LYPLAL1: variants seen among roughly 807,000 people sequenced by gnomAD.
The protein encoded by LYPLAL1 is lysophospholipase like 1.
Under a neutral mutation model 19.7 loss-of-function variants are expected in LYPLAL1, and 23 were observed. The ratio of observed to expected loss-of-function variants is 1.17; its 90% CI spans 0.84 to 1.65. LYPLAL1 has a LOEUF of 1.65. LYPLAL1 is among the 40% of genes most tolerant of loss of function. LYPLAL1 has a pLI of 0.00. For synonymous variants in LYPLAL1, 119 were observed against 96.3 expected (o/e 1.24, Z -1.38); for missense variants, 355 against 279.4 (o/e 1.27, Z -1.93).
At chr1:219,197,989 A>G (rs960082561) in intron 3 of LYPLAL1, among the ~76,000 whole-genome samples, 3 of 152,174 alleles carry the variant, frequency 2.0e-5, no homozygotes, top group Admixed American at 1.3e-4. Flanking sequence ...GGAGAAAAAT[A>G]TAACACAAGA....
chr1:219,376,756 A>G, the LYPLAL1 span, among the ~76,000 whole-genome samples: 1 of 152,238 alleles, frequency 6.6e-6, no homozygotes, highest in Non-Finnish European at 1.5e-5. Context: ...TCAAAACCAC[A>G]ATGAGATATC....
At chr1:219,192,447 C>G (rs756741450) in intron 2 of LYPLAL1, among the ~76,000 whole-genome samples, 8 of 151,536 alleles carry the variant, frequency 5.3e-5, no homozygotes, top group Non-Finnish European at 1.0e-4. Flanking sequence ...TTGTCACTGG[C>G]TATGTTTTCT....
the LYPLAL1 span, among the ~76,000 whole-genome samples, chr1:219,241,263 T>C: frequency 1.3e-5 from 2 of 149,628 alleles, no homozygotes; most frequent in East Asian, 2.0e-4. Flanking sequence ...CTATTTGGAG[T>C]AGAACCACAC....
chr1:219,247,270 G>A, the LYPLAL1 span, among the ~76,000 whole-genome samples: 3 of 152,284 alleles, frequency 2.0e-5, no homozygotes, highest in East Asian at 1.9e-4. Flanking sequence ...TAACGAATGA[G>A]TAATAGAATC....
intron 2 of LYPLAL1, among the ~76,000 whole-genome samples, chr1:219,190,622 T>TAAAAAAAAAA (rs35544870): frequency 1.2e-5 from 1 of 86,026 alleles, no homozygotes; most frequent in Non-Finnish European, 2.1e-5. Context: ...TTTTGTCCAG[T>TAAAAAAAAAA]AAAAAAAAAA....
chr1:219,404,418 C>A, the LYPLAL1 span, among the ~76,000 whole-genome samples: 1 of 152,034 alleles, frequency 6.6e-6, no homozygotes, highest in Non-Finnish European at 1.5e-5. Flanking sequence ...ATAAGGAGAC[C>A]CTTGTCTTAT....
At chr1:219,211,453 A>G (rs1659031092) in intron 4 of LYPLAL1, 39 bp from the exon 5 acceptor site, 1 of 1,303,054 alleles carries the variant, frequency 7.7e-7, no homozygotes, top group Non-Finnish European at 1.1e-6. Context: ...CTTAAATGGA[A>G]TTTCTTAAAC....
At chr1:219,356,893 A>G in the LYPLAL1 span, among the ~76,000 whole-genome samples, 1 of 152,310 alleles carries the variant, frequency 6.6e-6, no homozygotes, top group South Asian at 2.1e-4. Context: ...TGTCATTTGG[A>G]ACATTTTGGT....
At chr1:219,229,294 T>TGAGAGAGA in the LYPLAL1 span, among the ~76,000 whole-genome samples, 1,183 of 132,930 alleles carry the variant, frequency 8.9e-3, 19 homozygotes, top group African/African-American at 0.024. Context: ...ACAAGCATTT[T>TGAGAGAGA]GAGAGAGAGA....
intron 3 of LYPLAL1, among the ~76,000 whole-genome samples, chr1:219,197,919 C>A (rs1657742218): frequency 1.3e-5 from 2 of 152,126 alleles, no homozygotes; most frequent in South Asian, 4.1e-4. Context: ...CCTATATTTT[C>A]TTAGAGGGAA....
chr1:219,274,121 C>A, the LYPLAL1 span, among the ~76,000 whole-genome samples: 10 of 152,264 alleles, frequency 6.6e-5, no homozygotes, highest in African/African-American at 2.4e-4. Flanking sequence ...GAGAAACTTG[C>A]GTGTAGAATT....
In LYPLAL1 at chr1:219,211,520, C is replaced by T. The variant is rs746072278; in HGVS notation, c.506C>T (p.Pro169Leu). The T allele has an allele frequency of 6.2e-7, 1 of 1,611,556 alleles. No individual in the cohort carries two copies. Among genetic ancestry groups the T allele is most frequent in the Non-Finnish European group, 8.5e-7 (1 of 1,178,336 alleles). Residue 169 changes from proline (P) to leucine (L), a missense_variant, in exon 5 of 5, where the codon CCT (proline) becomes CTT (leucine). Pro to Leu is a moderately conservative substitution (Grantham distance 98). Transcript: ENST00000366928. ...QALQKSNGVL[P>L]ELFQCHGTAD... ...CTTCAGAAGAGTAATGGTGTACTTC[C>T]TGAATTATTTCAGTGTCATGGTACT...
chr1:219,247,046 A>G, the LYPLAL1 span, among the ~76,000 whole-genome samples: 15 of 152,314 alleles, frequency 9.8e-5, no homozygotes, highest in Admixed American at 8.5e-4. Context: ...TGAGGATAAT[A>G]TCTCTCTGGC....
the LYPLAL1 span, among the ~76,000 whole-genome samples, chr1:219,320,015 T>C: frequency 6.6e-5 from 10 of 152,208 alleles, no homozygotes; most frequent in African/African-American, 2.4e-4. Flanking sequence ...ACATAAAATA[T>C]TGGTAAAGGA....
the LYPLAL1 span, among the ~76,000 whole-genome samples, chr1:219,396,427 G>T: frequency 5.3e-5 from 8 of 152,188 alleles, no homozygotes; most frequent in African/African-American, 1.7e-4. Context: ...GTTCTCTTTT[G>T]GTTCCATATG....
At chr1:219,411,217 C>G in the LYPLAL1 span, among the ~76,000 whole-genome samples, 6 of 121,446 alleles carry the variant, frequency 4.9e-5, no homozygotes, top group African/African-American at 1.5e-4. Flanking sequence ...GTGCACCAAT[C>G]GACACTCTGT....
In LYPLAL1 at chr1:219,211,554, G is replaced by C. The variant is rs772870501; in HGVS notation, c.540G>C (p.Glu180Asp). 5.3e-5 allele frequency: 85 copies of C among 1,613,240 alleles called. 1 individual carries two copies. Among genetic ancestry groups the C allele is most frequent in the Middle Eastern group, 1.6e-4 (1 of 6,076 alleles). The part of the protein sequence containing the change: ...ELFQCHGTAD[E>D]LVLHSWAEET... ...TTCAGTGTCATGGTACTGCAGATGA[G>C]TTAGTTCTTCATTCTTGGGCAGAAG... is the stretch of plus-strand genomic sequence containing the variant. The change falls in exon 5 of 5, where the codon GAG becomes GAC. Residue 180 changes from glutamate to aspartate, a missense_variant. Coordinates refer to ENST00000366928, the MANE Select transcript of LYPLAL1 (RefSeq NM_138794.5).
the LYPLAL1 span, chr1:219,272,975 T>C: frequency 7.9e-5 from 12 of 152,160 alleles, no homozygotes; most frequent in Non-Finnish European, 1.8e-4. Context: ...GGAAATAAAC[T>C]CTGAGAGGCC....
chr1:219,438,930 A>G, the LYPLAL1 span, among the ~76,000 whole-genome samples: 1 of 152,210 alleles, frequency 6.6e-6, no homozygotes, highest in African/African-American at 2.4e-5. Flanking sequence ...CTTTAGACAG[A>G]AAGCTAAGCA....
Sources: gnomAD v4.1 joint callset for allele counts (sites outside exome capture counted in the v4.1 genomes callset) on GRCh38, gnomAD v4.1.1 for gene constraint, MANE v1.5 for transcripts, NCBI Gene and HGNC (gene_info 2026-07-23, HGNC 2026-07-21) for gene names.